Variants in SYTL5 observed in about 807,000 individuals in gnomAD.
The protein encoded by SYTL5 is synaptotagmin like 5.
In SYTL5, 34 loss-of-function variants were observed where a neutral mutation model predicts 55.9. The ratio of observed to expected loss-of-function variants is 0.61; its 90% CI spans 0.46 to 0.81. The LOEUF (loss-of-function observed/expected upper bound fraction) is 0.81. Ranked by LOEUF, SYTL5 falls within the 30% of genes least tolerant of loss-of-function variation. The pLI is 0.00. For missense variants in SYTL5, 637 were observed against 546.7 expected, an observed-to-expected ratio of 1.17 and a Z score of -1.65; for synonymous variants, 221 against 188.7, an observed-to-expected ratio of 1.17 and a Z score of -1.40.
chrX:37,984,409 A>T, the SYTL5 span, among the ~76,000 whole-genome samples: 1 of 112,041 alleles, frequency 8.9e-6, no homozygotes. Context: ...CTAGAAAGGC[A>T]TAAACTACTG....
intron 2 of SYTL5, among the ~76,000 whole-genome samples, chrX:38,051,309 G>A (rs1935617266): frequency 9.2e-6 from 1 of 108,134 alleles, no homozygotes; most frequent in Non-Finnish European, 1.9e-5. Context: ...TTAAGCAGAG[G>A]AACCACATGA....
intron 3 of SYTL5, among the ~76,000 whole-genome samples, chrX:38,060,623 C>G (rs1935918619): frequency 8.9e-6 from 1 of 111,749 alleles, no homozygotes; most frequent in African/African-American, 3.2e-5. Context: ...GTATATCAGG[C>G]TTAAGCAAGT....
intron 2 of SYTL5, among the ~76,000 whole-genome samples, chrX:38,052,714 G>A (rs780196164): frequency 8.9e-6 from 1 of 112,017 alleles, no homozygotes; most frequent in South Asian, 3.7e-4. Flanking sequence ...CCTGCCTTTG[G>A]GAAGATGCTA....
At chrX:37,936,562 A>G in the SYTL5 span, among the ~76,000 whole-genome samples, 11 of 112,057 alleles carry the variant, frequency 9.8e-5, no homozygotes, top group Middle Eastern at 4.6e-3. Context: ...GTCTAGATAT[A>G]ATGTATTGAT....
At chrX:37,952,589 G>A in the SYTL5 span, among the ~76,000 whole-genome samples, 1 of 110,990 alleles carries the variant, frequency 9.0e-6, no homozygotes, top group Admixed American at 9.6e-5. Context: ...AGAGGGCCAG[G>A]GATTGCTTTC....
chrX:38,069,931 T>C (rs1227852223), intron 3 of SYTL5, among the ~76,000 whole-genome samples: 2 of 112,178 alleles, frequency 1.8e-5, no homozygotes, highest in African/African-American at 6.5e-5. Context: ...TGGTAGGTTA[T>C]ATCTTAGATT....
chrX:37,988,233 C>T, the SYTL5 span, among the ~76,000 whole-genome samples: 14 of 111,113 alleles, frequency 1.3e-4, no homozygotes. Context: ...AAGGAAGGGG[C>T]CCATGAGATA....
chrX:38,062,678 T>C (rs965597632), intron 3 of SYTL5, among the ~76,000 whole-genome samples: 1 of 111,708 alleles, frequency 9.0e-6, no homozygotes, highest in Non-Finnish European at 1.9e-5. Context: ...TGTTATCCTG[T>C]TGGACATCAA....
intron 4 of SYTL5, among the ~76,000 whole-genome samples, chrX:38,072,836 A>C (rs1602367755): frequency 8.9e-6 from 1 of 112,336 alleles, no homozygotes. Flanking sequence ...AGATGGAGTA[A>C]ACCTTGTGAT....
chrX:37,910,184 C>G, the SYTL5 span, among the ~76,000 whole-genome samples: 1 of 111,841 alleles, frequency 8.9e-6, no homozygotes, highest in African/African-American at 3.3e-5. Context: ...TTTCTTCTCA[C>G]AGTTCTGGAG....
At chrX:37,992,253 A>G in the SYTL5 span, among the ~76,000 whole-genome samples, 1 of 112,814 alleles carries the variant, frequency 8.9e-6, no homozygotes, top group African/African-American at 3.2e-5. Context: ...TAAGTTTAAA[A>G]GAGGTGTCAC....
At chrX:38,022,742 AG>A (rs777211071) in intron 1 of SYTL5, among the ~76,000 whole-genome samples, 1 of 112,358 alleles carries the variant, frequency 8.9e-6, no homozygotes, top group East Asian at 2.8e-4. Flanking sequence ...TCTGGGGATA[AG>A]GATGTGGACT....
chrX:37,935,102 A>G, the SYTL5 span, among the ~76,000 whole-genome samples: 4 of 112,311 alleles, frequency 3.6e-5, no homozygotes, highest in Non-Finnish European at 7.5e-5. Context: ...GAAAGCAGCA[A>G]TATCATCACA....
At chrX:37,989,392 C>T in the SYTL5 span, among the ~76,000 whole-genome samples, 1 of 111,922 alleles carries the variant, frequency 8.9e-6, no homozygotes, top group East Asian at 2.8e-4. Flanking sequence ...CTACAGGACT[C>T]TCAAAATTTG....
chrX:37,904,982 C>T, the SYTL5 span, among the ~76,000 whole-genome samples: 2 of 111,268 alleles, frequency 1.8e-5, no homozygotes, highest in African/African-American at 6.6e-5. Flanking sequence ...ATCACCCCTA[C>T]CCCTCCTCCT....
At chrX:37,940,519 G>C in the SYTL5 span, among the ~76,000 whole-genome samples, 1 of 104,024 alleles carries the variant, frequency 9.6e-6, no homozygotes, top group Non-Finnish European at 2.0e-5. Flanking sequence ...CAGTGATCTC[G>C]TTTCCCACAT....
the SYTL5 span, among the ~76,000 whole-genome samples, chrX:37,995,504 AT>A: frequency 2.7e-5 from 3 of 112,133 alleles, no homozygotes; most frequent in African/African-American, 9.7e-5. Flanking sequence ...CCACTGGATG[AT>A]TCCTTATGGA....
chrX:38,004,340 T>C (rs1472218278), upstream of SYTL5, among the ~76,000 whole-genome samples: 1 of 111,716 alleles, frequency 9.0e-6, no homozygotes, highest in Non-Finnish European at 1.9e-5. Flanking sequence ...ATTTAAATAG[T>C]ACAATCGCAT....
rs1450810606 is a variant in SYTL5, at chrX:38,120,387, A to G, written c.1626A>G (p.Gln542=). The G allele has an allele frequency of 1.7e-6, 2 of 1,211,110 alleles. No individual in the cohort carries two copies. Among genetic ancestry groups the G allele is most frequent in the South Asian group, 3.5e-5 (2 of 56,946 alleles). The change falls in exon 14 of 17, where the codon CAA becomes CAG. Residue 542 remains glutamine, a synonymous_variant. Coordinates refer to ENST00000297875, the MANE Select transcript of SYTL5 (RefSeq NM_138780.3). The part of the protein sequence containing the change: ...KVEFAPDIGL[Q]YKGELTVVLR... Reference sequence around the variant, plus strand: ...AGTTTGCTCCTGATATTGGCCTTCAATACAAAGGAGAGCTGACAGTTGTTT... The same window carrying G: ...AGTTTGCTCCTGATATTGGCCTTCAGTACAAAGGAGAGCTGACAGTTGTTT...
Sources: allele counts gnomAD v4.1 joint callset (sites outside exome capture counted in the v4.1 genomes callset), GRCh38; gene constraint gnomAD v4.1.1; transcripts MANE v1.5; gene names NCBI Gene and HGNC (gene_info 2026-07-23, HGNC 2026-07-21).